RPH3A: variants seen among roughly 807,000 people sequenced by gnomAD.
The protein encoded by RPH3A is rabphilin 3A.
In RPH3A, 48 loss-of-function variants were observed where a neutral mutation model predicts 102.2. That is an observed-to-expected ratio of 0.47 (90% CI 0.37 to 0.60). The LOEUF (loss-of-function observed/expected upper bound fraction) is 0.60, where lower values mean the gene tolerates loss of function less well. RPH3A is among the 20% of genes least tolerant of loss of function. The probability of loss-of-function intolerance (pLI) is 0.00; values close to 1 mark genes in which losing one functional copy is unlikely to be tolerated. For synonymous variants in RPH3A, 310 were observed against 324.3 expected, an observed-to-expected ratio of 0.96 and a Z score of 0.47; for missense variants, 781 against 910.1, an observed-to-expected ratio of 0.86 and a Z score of 1.83.
At chr12:112,728,078 G>C (rs551054833) in intron 1 of RPH3A, among the ~76,000 whole-genome samples, 3 of 152,354 alleles carry the variant, frequency 2.0e-5, no homozygotes, top group Admixed American at 2.0e-4. Flanking sequence ...GGGAAAGCTT[G>C]ATGTGGGTTT....
Position 112,654,490 on chromosome 12 carries a change from C to G in RPH3A, c.-140+79171C>G, listed in dbSNP as rs143314443. Among the ~76,000 whole-genome samples, 1,139 of 152,110 alleles carry G rather than the reference C, an allele frequency of 7.5e-3. 12 individuals are homozygous for G. Among genetic ancestry groups the G allele is most frequent in the African/African-American group, 0.026 (1,082 of 41,480 alleles). ...ACCACCTCTAGGAGCTCCTCAGTGT[C>G]ATCTTCATCCACACCCGGGTTAAAG... On this transcript the variant is annotated intron_variant, in intron 1 of 21. Transcript: ENST00000543106.
chr12:112,837,937 A>G (rs2042081492), intron 4 of RPH3A: 2 of 417,202 alleles, frequency 4.8e-6, no homozygotes, highest in African/African-American at 2.1e-5. Flanking sequence ...ATTAATAAAC[A>G]CTTACCCCAA....
intron 1 of RPH3A, among the ~76,000 whole-genome samples, chr12:112,676,150 C>A (rs1448387202): frequency 6.6e-6 from 1 of 152,044 alleles, no homozygotes; most frequent in Non-Finnish European, 1.5e-5. Flanking sequence ...CTACGTGGGC[C>A]TCCCGTTGGC....
intron 5 of RPH3A, among the ~76,000 whole-genome samples, chr12:112,851,731 C>A (rs1468266147): frequency 6.6e-6 from 1 of 152,208 alleles, no homozygotes; most frequent in African/African-American, 2.4e-5. Context: ...GCTCTGTTCT[C>A]TTCAGCTTCC....
chr12:112,686,146 A>G (rs539909564), intron 1 of RPH3A, among the ~76,000 whole-genome samples: 1 of 152,246 alleles, frequency 6.6e-6, no homozygotes, highest in African/African-American at 2.4e-5. Flanking sequence ...CCTAGCTCTT[A>G]TATTTCCTAA....
intron 1 of RPH3A, among the ~76,000 whole-genome samples, chr12:112,660,338 C>T (rs2040041072): frequency 6.6e-6 from 1 of 152,010 alleles, no homozygotes; most frequent in African/African-American, 2.4e-5. Flanking sequence ...ACTAAAGTGA[C>T]ACACATTATT....
chr12:112,884,160 C>T (rs10774667), intron 16 of RPH3A, among the ~76,000 whole-genome samples: 74,158 of 151,972 alleles, frequency 0.49, 19,094 homozygotes, highest in African/African-American at 0.64. Flanking sequence ...ATGTTCTTAT[C>T]CTTAAATATT....
chr12:112,892,735 C>T (rs1185156497), intron 19 of RPH3A: 1 of 152,178 alleles, frequency 6.6e-6, no homozygotes, highest in Admixed American at 6.5e-5. Flanking sequence ...TAAATACCTG[C>T]CATTATGGTT....
intron 1 of RPH3A, among the ~76,000 whole-genome samples, chr12:112,595,597 C>T (rs779320758): frequency 1.3e-5 from 2 of 152,064 alleles, no homozygotes; most frequent in Non-Finnish European, 2.9e-5. Context: ...CACCCACCCA[C>T]GCAGGACCGT....
chr12:112,732,526 G>A (rs1052303909), intron 1 of RPH3A, among the ~76,000 whole-genome samples: 4 of 152,206 alleles, frequency 2.6e-5, no homozygotes, highest in African/African-American at 9.7e-5. Flanking sequence ...CCCAAGAAAT[G>A]GCTTTGTGGG....
chr12:112,662,055 G>C (rs779193801), intron 1 of RPH3A, among the ~76,000 whole-genome samples: 1 of 152,164 alleles, frequency 6.6e-6, no homozygotes, highest in East Asian at 1.9e-4. Flanking sequence ...AGGGACAAGG[G>C]AGGACAAAAT....
chr12:112,765,920 C>T (rs2040885588), intron 1 of RPH3A, among the ~76,000 whole-genome samples: 1 of 152,238 alleles, frequency 6.6e-6, no homozygotes, highest in Non-Finnish European at 1.5e-5. Context: ...ATGGCAGGAA[C>T]TATGGCTGGG....
At chr12:112,826,188 G>C (rs192035157) in intron 2 of RPH3A, among the ~76,000 whole-genome samples, 8 of 152,228 alleles carry the variant, frequency 5.3e-5, no homozygotes, top group Admixed American at 5.2e-4. Flanking sequence ...CGAAGGGATA[G>C]AGAGAGCCAG....
chr12:112,859,283 G>A (rs1329039187), intron 5 of RPH3A, among the ~76,000 whole-genome samples: 1 of 152,162 alleles, frequency 6.6e-6, no homozygotes, highest in Non-Finnish European at 1.5e-5. Context: ...TATTAGAAGA[G>A]GTTTTTTCAA....
intron 1 of RPH3A, among the ~76,000 whole-genome samples, chr12:112,597,246 TA>T (rs1592899586): frequency 2.6e-5 from 4 of 152,234 alleles, no homozygotes; most frequent in East Asian, 3.9e-4. Context: ...TTAATTCTTA[TA>T]AAAAAGGGAA....
intron 1 of RPH3A, among the ~76,000 whole-genome samples, chr12:112,690,268 G>A (rs1030540706): frequency 1.3e-5 from 2 of 152,224 alleles, no homozygotes; most frequent in Admixed American, 6.5e-5. Flanking sequence ...CTTTGTGCAT[G>A]TTAGTGGCCA....
At chr12:112,664,982 C>G (rs192445315) in intron 1 of RPH3A, among the ~76,000 whole-genome samples, 1 of 152,066 alleles carries the variant, frequency 6.6e-6, no homozygotes, top group African/African-American at 2.4e-5. Context: ...ATAAATACCC[C>G]AGGTTGTCCT....
In RPH3A at chr12:112,712,909, CTT is replaced by C; in HGVS notation, c.-139-79233_-139-79232del. 1.8e-5 allele frequency among the ~76,000 whole-genome samples: 2 copies of C among 109,564 alleles called. 1 individual carries two copies. The highest frequency in any genetic ancestry group is 7.7e-5 in the African/African-American group (2 of 25,818). The allele number at this position is 109,564 out of a possible 152,430, so 71.9% of individuals were successfully genotyped here. A position where few individuals can be genotyped will look rare whatever the true frequency, so the allele number is the denominator to read the frequency against. ...TCTTCTTCTTCTTCTTCTTCCTCTT[CTT>C]CTTCTTCTTCTTCCTCTTCTTCTTC... On this transcript the variant is annotated intron_variant, in intron 1 of 21. Coordinates refer to the RPH3A transcript ENST00000543106.
rs1358086078 is a variant in RPH3A at position 112,791,880 on chromosome 12, G to GAGAGAGAGAGAGAGAGAGAGAA, written c.-251_-250insAAGAGAGAGAGAGAGAGAGAGA. On this transcript the variant is annotated 5_prime_UTR_variant, in exon 1 of 22. Coordinates refer to ENST00000389385, the MANE Select transcript of RPH3A (RefSeq NM_001143854.2). ...GGAAGGGAGAAGGGAGAGAGAGAGA[G>GAGAGAGAGAGAGAGAGAGAGAA]AGAGAGAGAGAGAGAGAGAGAGAGA... is the stretch of plus-strand genomic sequence containing the variant. The GAGAGAGAGAGAGAGAGAGAGAA allele has an allele frequency of 2.0e-5, 3 of 148,268 alleles. No individual in the cohort carries two copies. The highest frequency in any genetic ancestry group is 4.5e-5 in the Non-Finnish European group (3 of 66,920). The allele number at this position is 148,268 out of a possible 1,614,324, so 9.2% of individuals were successfully genotyped here.
Sources: allele counts gnomAD v4.1 joint callset (sites outside exome capture counted in the v4.1 genomes callset), GRCh38; gene constraint gnomAD v4.1.1; transcripts MANE v1.5; gene names NCBI Gene and HGNC (gene_info 2026-07-23, HGNC 2026-07-21).